CFAP91: variants seen among roughly 807,000 people sequenced by gnomAD.
CFAP91 encodes cilia and flagella associated protein 91.
Under a neutral mutation model 95.9 loss-of-function variants are expected in CFAP91, and 85 were observed. The ratio of observed to expected loss-of-function variants is 0.89; its 90% CI spans 0.74 to 1.06. CFAP91 has a LOEUF of 1.06. Among genes scored for constraint, CFAP91 ranks in the 50% least tolerant of loss-of-function variants. The pLI is 0.00. For missense variants in CFAP91, 962 were observed against 943.4 expected (o/e 1.02, Z -0.26); for synonymous variants, 335 against 327.5 (o/e 1.02, Z -0.25).
intron 6 of CFAP91, among the ~76,000 whole-genome samples, chr3:119,720,787 C>G (rs746353498): frequency 6.6e-6 from 1 of 152,180 alleles, no homozygotes; most frequent in Non-Finnish European, 1.5e-5. Flanking sequence ...GCGCAAGTCT[C>G]TTATGTAAAA....
intron 6 of CFAP91, among the ~76,000 whole-genome samples, chr3:119,718,210 T>C (rs1049245613): frequency 6.6e-6 from 1 of 152,152 alleles, no homozygotes; most frequent in African/African-American, 2.4e-5. Context: ...TAGGAAGTGC[T>C]TTCTATATTC....
intron 14 of CFAP91, 37 bp from the exon 15 acceptor site, chr3:119,747,078 A>G (rs2054234371): frequency 6.8e-7 from 1 of 1,472,114 alleles, no homozygotes; most frequent in African/African-American, 1.4e-5. Flanking sequence ...TTACAACAGC[A>G]TACCTGTTTT....
rs530745334 is a variant in CFAP91, at chr3:119,735,286, C to G, written c.1344+1780C>G. On this transcript the variant is annotated intron_variant, in intron 10 of 17. Coordinates refer to ENST00000273390, the MANE Select transcript of CFAP91 (RefSeq NM_033364.4). The stretch of plus-strand genomic sequence containing the variant: ...TATATTTATTCTATATTTCTTTCTA[C>G]TTTTTTAGGGTTTGTTTCACAGGTC... Among the ~76,000 whole-genome samples, 6 of 152,102 alleles carry G rather than the reference C, an allele frequency of 3.9e-5. No individual in the cohort carries two copies. The Middle Eastern group carries it at 0.01, about 259-fold the overall frequency.
At chr3:119,756,775 T>G (rs2054439288) in intron 17 of CFAP91, among the ~76,000 whole-genome samples, 1 of 152,068 alleles carries the variant, frequency 6.6e-6, no homozygotes, top group Non-Finnish European at 1.5e-5. Context: ...ATATGACATC[T>G]AAGCTAACAG....
At chr3:119,720,232 CAA>C (rs71293247) in intron 6 of CFAP91, among the ~76,000 whole-genome samples, 4 of 128,260 alleles carry the variant, frequency 3.1e-5, no homozygotes, top group Admixed American at 1.6e-4. Context: ...ACTAAAAATA[CAA>C]AAAAAAAAAA....
rs760543663 is a variant in CFAP91, at chr3:119,740,850, T to A, written c.1680+155T>A. ...CTGTCAGCATTTGTGTGTGTGTGTG[T>A]GTGTGTGTGTGTGTGTGTGTGTGTG... On this transcript the variant is annotated intron_variant, in intron 13 of 17. Coordinates refer to ENST00000273390, the MANE Select transcript of CFAP91 (RefSeq NM_033364.4). 1.3e-5 allele frequency: 9 copies of A among 696,042 alleles called. No homozygotes were observed. In the South Asian group the frequency reaches 1.6e-4, roughly 13 times the overall value. 43.1% of individuals were successfully genotyped at this position (696,042 alleles called of 1,614,324 possible).
chr3:119,703,398 A>T, intron 1 of CFAP91, 176 bp downstream of exon 1: 2 of 945,404 alleles, frequency 2.1e-6, no homozygotes, highest in African/African-American at 3.3e-5. Context: ...AGGTGGCCGC[A>T]CTCAGGTTGG....
At chr3:119,717,496 A>G (rs1400146417) in intron 6 of CFAP91, among the ~76,000 whole-genome samples, 1 of 151,794 alleles carries the variant, frequency 6.6e-6, no homozygotes, top group Non-Finnish European at 1.5e-5. Flanking sequence ...TACCATATGT[A>G]TAGATATTTT....
rs200071540 is a variant in CFAP91 at position 119,704,809 on chromosome 3, G to A, written c.124+1587G>A. ...AAAACTCCAATTACTTCGTGACATTGTAGCTGTCATAACATTGTAGCCCAA... is the reference window on the plus strand; with the variant it reads ...AAAACTCCAATTACTTCGTGACATTATAGCTGTCATAACATTGTAGCCCAA... On this transcript the variant is annotated intron_variant, in intron 1 of 17. Coordinates refer to ENST00000273390, the MANE Select transcript of CFAP91 (RefSeq NM_033364.4). Among the ~76,000 whole-genome samples the A allele has an allele frequency of 5.9e-5, 9 of 152,280 alleles. No individual in the cohort carries two copies. In the East Asian group the frequency reaches 1.4e-3, roughly 23 times the overall value.
chr3:119,763,579 A>G (rs757917708), intron 17 of CFAP91, among the ~76,000 whole-genome samples: 5 of 152,152 alleles, frequency 3.3e-5, no homozygotes, highest in Middle Eastern at 3.4e-3. Flanking sequence ...GTGTCCACCA[A>G]CAGATGATGG....
chr3:119,710,397 A>G (rs1201375547), intron 5 of CFAP91: 2 of 154,294 alleles, frequency 1.3e-5, no homozygotes, highest in African/African-American at 4.8e-5. Flanking sequence ...ACGTGGAGGA[A>G]GGTGGAAGGC....
At chr3:119,734,007 T>C (rs2053952719) in intron 10 of CFAP91, among the ~76,000 whole-genome samples, 1 of 152,076 alleles carries the variant, frequency 6.6e-6, no homozygotes, top group African/African-American at 2.4e-5. Context: ...GGACTATAGG[T>C]GTATAGAATC....
chr3:119,733,245 A>G, intron 9 of CFAP91, 119 bp from the exon 10 acceptor site: 1 of 934,834 alleles, frequency 1.1e-6, no homozygotes, highest in Non-Finnish European at 1.6e-6. Context: ...TATATGAGAT[A>G]CACCCTCTCA....
chr3:119,752,275 T>C (rs2107914916), intron 17 of CFAP91: 1 of 152,238 alleles, frequency 6.6e-6, no homozygotes, highest in Non-Finnish European at 1.5e-5. Context: ...TTGTATAATC[T>C]TACACAAATA....
chr3:119,746,936 G>A (rs890252742), intron 14 of CFAP91, among the ~76,000 whole-genome samples, 179 bp from the exon 15 acceptor site: 1 of 152,200 alleles, frequency 6.6e-6, no homozygotes, highest in Non-Finnish European at 1.5e-5. Flanking sequence ...GAGTGAGTAG[G>A]TAGGTGGATG....
At chr3:119,741,274 T>G in intron 13 of CFAP91, among the ~76,000 whole-genome samples, 1 of 150,058 alleles carries the variant, frequency 6.7e-6, no homozygotes, top group Admixed American at 6.6e-5. Context: ...TTTCCTTCCA[T>G]TTTTTTCCCC....
At position 119,740,604 on chromosome 3, in the gene CFAP91, A is replaced by G. The variant is rs2107899408; in HGVS notation, c.1589A>G (p.His530Arg). ...TTGATCCAGGAGTTGCGCACCTGCC[A>G]CGCACTACAAGAAGATGAAAAGCTG... Reference protein sequence around the residue: ...LELIQELRTCHALQEDEKLVK... With the variant: ...LELIQELRTCRALQEDEKLVK... Residue 530 changes from histidine to arginine, a missense_variant, in exon 13 of 18, where the codon CAC (histidine) becomes CGC (arginine). Coordinates refer to ENST00000273390, the MANE Select transcript of CFAP91 (RefSeq NM_033364.4). 2 of 1,614,218 alleles carry G rather than the reference A, an allele frequency of 1.2e-6. No homozygotes were observed. The highest frequency in any genetic ancestry group is 2.2e-5 in the East Asian group (1 of 44,888).
intron 5 of CFAP91, among the ~76,000 whole-genome samples, chr3:119,714,017 A>G (rs1219827437): frequency 3.3e-5 from 5 of 152,154 alleles, no homozygotes; most frequent in African/African-American, 1.2e-4. Flanking sequence ...GTTTGCATAT[A>G]TATCTTTGAA....
At chr3:119,715,372 A>T (rs1438832281) in intron 5 of CFAP91, 190 bp from the exon 6 acceptor site, 1 of 703,078 alleles carries the variant, frequency 1.4e-6, no homozygotes, top group East Asian at 2.7e-5. Context: ...CAGAGGTGAG[A>T]ATAACAAGGC....
Sources: gnomAD v4.1 joint callset for allele counts (sites outside exome capture counted in the v4.1 genomes callset) on GRCh38, gnomAD v4.1.1 for gene constraint, MANE v1.5 for transcripts, NCBI Gene and HGNC (gene_info 2026-07-23, HGNC 2026-07-21) for gene names.